Variants in FAM227A observed in about 807,000 individuals in gnomAD.
FAM227A encodes the protein protein FAM227A.
Under a neutral mutation model 74.7 loss-of-function variants are expected in FAM227A, and 80 were observed. The observed-to-expected ratio is 1.07, with a 90% CI of 0.89 to 1.29. FAM227A has a LOEUF of 1.29. Ranked by LOEUF, FAM227A falls within the 50% of genes most tolerant of loss-of-function variation. FAM227A has a pLI of 0.00. For synonymous variants in FAM227A, 237 were observed against 241.8 expected, an observed-to-expected ratio of 0.98 and a Z score of 0.19; for missense variants, 654 against 683.4, an observed-to-expected ratio of 0.96 and a Z score of 0.48.
intron 6 of FAM227A, among the ~76,000 whole-genome samples, chr22:38,635,396 A>G (rs1160711066): frequency 6.6e-6 from 1 of 152,048 alleles, no homozygotes; most frequent in Non-Finnish European, 1.5e-5. Context: ...CTCAGGGGAC[A>G]ATGATCAGAG....
At chr22:38,623,498 AGGCTGGGCTTC>A (rs2091736007) in intron 9 of FAM227A, among the ~76,000 whole-genome samples, 1 of 152,074 alleles carries the variant, frequency 6.6e-6, no homozygotes, top group Admixed American at 6.5e-5. Flanking sequence ...GGCTCCTGGG[AGGCTGGGCTTC>A]CAGTGTTAGC....
chr22:38,641,280 G>A (rs975552994), intron 3 of FAM227A, among the ~76,000 whole-genome samples: 3 of 152,154 alleles, frequency 2.0e-5, no homozygotes, highest in East Asian at 1.9e-4. Context: ...ACCAATGACC[G>A]GCATTTTGGG....
chr22:38,643,679 CCACA>C (rs1479142024), intron 3 of FAM227A, among the ~76,000 whole-genome samples: 12 of 152,236 alleles, frequency 7.9e-5, no homozygotes, highest in African/African-American at 2.6e-4. Context: ...AAACTTATGC[CCACA>C]CAAAGACCTG....
chr22:38,646,045 A>G (rs2092229640), intron 2 of FAM227A, among the ~76,000 whole-genome samples: 1 of 152,104 alleles, frequency 6.6e-6, no homozygotes, highest in South Asian at 2.1e-4. Context: ...TCAGCCTCCC[A>G]AAGTGCTCAG....
chr22:38,616,219 G>A (rs1294365848), intron 11 of FAM227A, among the ~76,000 whole-genome samples: 1 of 152,186 alleles, frequency 6.6e-6, no homozygotes, highest in African/African-American at 2.4e-5. Flanking sequence ...TCAAGAAGAT[G>A]GGAGTGGCCA....
rs575817619 is a variant in FAM227A at position 38,641,972 on chromosome 22, T to C, written c.226-2248A>G. ...AGGTGTGTGTGTGTGTGTGTGTGTGTGTGCGCACGTGTGTGTGCGCGTGTG... is the reference window on the plus strand; with the variant it reads ...AGGTGTGTGTGTGTGTGTGTGTGTGCGTGCGCACGTGTGTGTGCGCGTGTG... On this transcript the variant is annotated intron_variant, in intron 3 of 16. Coordinates refer to ENST00000535113, the MANE Select transcript of FAM227A (RefSeq NM_001013647.2). Among the ~76,000 whole-genome samples, 807 of 143,470 alleles carry C rather than the reference T, an allele frequency of 5.6e-3. 7 individuals carry two copies. Among genetic ancestry groups the C allele is most frequent in the South Asian group, 0.036 (163 of 4,478 alleles). The allele number at this position is 143,470 out of a possible 152,430, so 94.1% of individuals were successfully genotyped here.
At chr22:38,604,647 TTTTATTTTTTTA>T (rs1308343750) in intron 13 of FAM227A, among the ~76,000 whole-genome samples, 1 of 152,102 alleles carries the variant, frequency 6.6e-6, no homozygotes, top group African/African-American at 2.4e-5. Context: ...CTTATTTGCT[TTTTATTTTTTTA>T]TTTATTTTTT....
In FAM227A at chr22:38,582,919, T is replaced by C. The variant is rs752756913; in HGVS notation, c.*3206A>G. 112 of 1,550,352 alleles carry C rather than the reference T, an allele frequency of 7.2e-5. No individual in the cohort carries two copies. The highest frequency in any genetic ancestry group is 2.2e-4 in the Admixed American group (11 of 50,954). On this transcript the variant is annotated 3_prime_UTR_variant, in exon 17 of 17. Transcript: ENST00000535113. ...GATGAGGGACGTCTAAGCGGGGTCC[T>C]GGAGGAAGAGCAGGAATTAGTGATG...
chr22:38,591,408 A>C, intron 16 of FAM227A, 27 bp downstream of exon 16: 1 of 1,550,316 alleles, frequency 6.5e-7, no homozygotes, highest in East Asian at 2.4e-5. Context: ...AACAACCCTT[A>C]AACTCAATTT....
intron 11 of FAM227A, among the ~76,000 whole-genome samples, chr22:38,614,057 G>A (rs1053075594): frequency 6.6e-6 from 1 of 152,098 alleles, no homozygotes; most frequent in African/African-American, 2.4e-5. Context: ...GTAGAGACAG[G>A]GTTTCACCAT....
intron 10 of FAM227A, among the ~76,000 whole-genome samples, chr22:38,621,054 C>T (rs919623572): frequency 8.0e-5 from 12 of 150,820 alleles, no homozygotes; most frequent in South Asian, 2.1e-4. Context: ...CTCCCTGAGT[C>T]GGCCGGGCAT....
intron 11 of FAM227A, 134 bp from the exon 12 acceptor site, chr22:38,607,610 AC>A (rs1431272702): frequency 1.5e-6 from 1 of 681,182 alleles, no homozygotes; most frequent in African/African-American, 1.8e-5. Flanking sequence ...CAGCAAAGGA[AC>A]ATGCAGAACG....
Position 38,655,356 on chromosome 22 carries a change from G to A in FAM227A, c.-95+764C>T, listed in dbSNP as rs34154198. Among the ~76,000 whole-genome samples, 363 of 150,706 alleles carry A rather than the reference G, an allele frequency of 2.4e-3. 13 individuals are homozygous for A. In the East Asian group the frequency reaches 0.066, roughly 28 times the overall value. ...ACCAGCCTGGCCAACATGGTGAAACGCCATCTCTACTAAAAATACAAAAAA... is the reference window on the plus strand; with the variant it reads ...ACCAGCCTGGCCAACATGGTGAAACACCATCTCTACTAAAAATACAAAAAA... On this transcript the variant is annotated intron_variant, in intron 1 of 16. Transcript: ENST00000535113.
At chr22:38,648,742 G>A (rs1338628994) in intron 2 of FAM227A, among the ~76,000 whole-genome samples, 2 of 152,076 alleles carry the variant, frequency 1.3e-5, no homozygotes, top group African/African-American at 2.4e-5. Context: ...GGAGGCTGAG[G>A]TGGGTGGACC....
rs147411497 is a variant in FAM227A at position 38,627,973 on chromosome 22, GTTT to G, written c.726+262_726+264del. The stretch of plus-strand genomic sequence containing the variant: ...AAGAGTTTGGTAAATATTTTTCCAG[GTTT>G]TTTTTTTCTATTCATAGGTATATAT... On this transcript the variant is annotated intron_variant, in intron 8 of 16. Coordinates refer to ENST00000535113, the MANE Select transcript of FAM227A (RefSeq NM_001013647.2). Among the ~76,000 whole-genome samples the G allele has an allele frequency of 2.0e-5, 3 of 149,540 alleles. No homozygotes were observed. In the South Asian group the frequency reaches 6.4e-4, roughly 32 times the overall value.
At chr22:38,625,387 CAAAAA>C (rs1037434338) in intron 9 of FAM227A, among the ~76,000 whole-genome samples, 1 of 75,314 alleles carries the variant, frequency 1.3e-5, no homozygotes, top group African/African-American at 4.9e-5. Flanking sequence ...AGATCCGTCT[CAAAAA>C]AAAAAAAAAA....
intron 9 of FAM227A, among the ~76,000 whole-genome samples, chr22:38,623,608 C>T (rs534942019): frequency 1.3e-5 from 2 of 152,248 alleles, no homozygotes; most frequent in East Asian, 3.9e-4. Flanking sequence ...GGGATGATGA[C>T]CCTGCCCTAC....
chr22:38,594,124 G>A (rs796841363), intron 15 of FAM227A, among the ~76,000 whole-genome samples: 9 of 152,272 alleles, frequency 5.9e-5, no homozygotes, highest in African/African-American at 2.2e-4. Flanking sequence ...TCACGTCCCA[G>A]GCTCTGCCTT....
intron 10 of FAM227A, among the ~76,000 whole-genome samples, chr22:38,622,794 T>G (rs970775741): frequency 6.8e-6 from 1 of 147,210 alleles, no homozygotes; most frequent in African/African-American, 2.5e-5. Context: ...GAGAATCACT[T>G]GAATCCGGGA....
Sources: gnomAD v4.1 joint callset for allele counts (sites outside exome capture counted in the v4.1 genomes callset) on GRCh38, gnomAD v4.1.1 for gene constraint, MANE v1.5 for transcripts, NCBI Gene and HGNC (gene_info 2026-07-23, HGNC 2026-07-21) for gene names.